The following MOB3B variants were observed in gnomAD, a reference collection of about 807,000 sequenced individuals.
The protein encoded by MOB3B is MOB kinase activator-like 2B.
A neutral mutation model predicts 18.7 loss-of-function variants in MOB3B; 7 were observed. The ratio of observed to expected loss-of-function variants is 0.37; its 90% CI spans 0.21 to 0.70. The LOEUF (loss-of-function observed/expected upper bound fraction) is 0.70. Among genes scored for constraint, MOB3B ranks in the 30% least tolerant of loss-of-function variants. The pLI, the probability that MOB3B is intolerant of heterozygous loss-of-function variation, is 0.52. For missense variants in MOB3B, 253 were observed against 281.3 expected, an observed-to-expected ratio of 0.90 and a Z score of 0.72; for synonymous variants, 111 against 99.9, an observed-to-expected ratio of 1.11 and a Z score of -0.66.
At chr9:27,383,986 A>T (rs192610390) in intron 2 of MOB3B, among the ~76,000 whole-genome samples, 1 of 152,358 alleles carries the variant, frequency 6.6e-6, no homozygotes, top group East Asian at 1.9e-4. Context: ...ATTTCCTGGT[A>T]TAGATAAGCA....
At chr9:27,457,652 C>T (rs551035708) in intron 1 of MOB3B, among the ~76,000 whole-genome samples, 1 of 152,242 alleles carries the variant, frequency 6.6e-6, no homozygotes, top group Non-Finnish European at 1.5e-5. Flanking sequence ...CACCCTCTTC[C>T]TAACAGGTTT....
At chr9:27,459,013 C>T (rs962622994) in intron 1 of MOB3B, among the ~76,000 whole-genome samples, 5 of 108,328 alleles carry the variant, frequency 4.6e-5, no homozygotes, top group Admixed American at 2.5e-4. Context: ...TCAGGTAGGC[C>T]CCCCCCCATG....
intron 1 of MOB3B, among the ~76,000 whole-genome samples, chr9:27,516,776 G>A (rs1187714898): frequency 6.6e-6 from 1 of 152,136 alleles, no homozygotes; most frequent in East Asian, 1.9e-4. Context: ...CAGACCCACT[G>A]ATTCTTATAG....
At chr9:27,481,511 GTTTTT>G (rs536716885) in intron 1 of MOB3B, among the ~76,000 whole-genome samples, 47 of 69,724 alleles carry the variant, frequency 6.7e-4, no homozygotes, top group Non-Finnish European at 1.1e-3. Flanking sequence ...TTTTTTTTTT[GTTTTT>G]TTTGTTTTTT....
chr9:27,356,801 C>T (rs554508616), intron 3 of MOB3B, among the ~76,000 whole-genome samples: 1 of 152,230 alleles, frequency 6.6e-6, no homozygotes, highest in African/African-American at 2.4e-5. Context: ...CATCTTTCCT[C>T]TCTGTCCTTG....
intron 1 of MOB3B, among the ~76,000 whole-genome samples, chr9:27,486,803 T>C (rs748194230): frequency 7.9e-5 from 12 of 152,196 alleles, no homozygotes; most frequent in Non-Finnish European, 1.3e-4. Flanking sequence ...CTTGGCCATG[T>C]ATAAAGTGGA....
At chr9:27,492,867 T>C (rs1245680949) in intron 1 of MOB3B, among the ~76,000 whole-genome samples, 1 of 152,174 alleles carries the variant, frequency 6.6e-6, no homozygotes, top group African/African-American at 2.4e-5. Context: ...TAAATTCTGG[T>C]TCAGCTATTA....
chr9:27,470,216 A>T (rs1819451587), intron 1 of MOB3B, among the ~76,000 whole-genome samples: 1 of 151,936 alleles, frequency 6.6e-6, no homozygotes, highest in African/African-American at 2.4e-5. Flanking sequence ...GGTGATTTTT[A>T]AGCCTTTTAA....
At chr9:27,467,478 T>C (rs2131463733) in intron 1 of MOB3B, among the ~76,000 whole-genome samples, 1 of 152,350 alleles carries the variant, frequency 6.6e-6, no homozygotes, top group South Asian at 2.1e-4. Flanking sequence ...ATGTGCTCTT[T>C]CTTTGACTTC....
chr9:27,377,900 G>T (rs549332479), intron 2 of MOB3B, among the ~76,000 whole-genome samples: 13 of 152,346 alleles, frequency 8.5e-5, no homozygotes, highest in Non-Finnish European at 1.8e-4. Flanking sequence ...ACAGGGGGTT[G>T]AAGGGCAGGG....
Position 27,455,665 on chromosome 9 carries a change from T to C in MOB3B, c.-115A>G. On this transcript the variant is annotated 5_prime_UTR_variant, in exon 2 of 4. Coordinates refer to ENST00000262244, the MANE Select transcript of MOB3B (RefSeq NM_024761.5). ...ACTGCCAGCACTCAGGCCCCAGTCTTACAGCCTGTAGCTTTTAAGCTCTTC... is the reference window on the plus strand; with the variant it reads ...ACTGCCAGCACTCAGGCCCCAGTCTCACAGCCTGTAGCTTTTAAGCTCTTC... 9 of 1,547,740 alleles carry C rather than the reference T, an allele frequency of 5.8e-6. No homozygotes were observed. Among genetic ancestry groups the C allele is most frequent in the Non-Finnish European group, 7.8e-6 (9 of 1,157,852 alleles).
intron 2 of MOB3B, among the ~76,000 whole-genome samples, chr9:27,387,124 T>A (rs1347020523): frequency 3.9e-5 from 6 of 152,164 alleles, no homozygotes. Flanking sequence ...AAAACTGAAG[T>A]TGGATGCCTC....
At chr9:27,338,448 T>G (rs1031951732) in intron 3 of MOB3B, among the ~76,000 whole-genome samples, 6 of 152,150 alleles carry the variant, frequency 3.9e-5, no homozygotes, top group African/African-American at 1.4e-4. Context: ...CAGCTGGCTC[T>G]CCTTCAGACG....
At chr9:27,451,895 C>T (rs544935186) in intron 2 of MOB3B, among the ~76,000 whole-genome samples, 45 of 152,256 alleles carry the variant, frequency 3.0e-4, no homozygotes, top group Middle Eastern at 3.4e-3. Context: ...GAGAAAGTAG[C>T]TCCTAATAAT....
chr9:27,362,700 A>G (rs1229511973), intron 2 of MOB3B, among the ~76,000 whole-genome samples: 1 of 152,220 alleles, frequency 6.6e-6, no homozygotes, highest in East Asian at 1.9e-4. Context: ...TCAGGAGCCT[A>G]GGAAACCCCA....
At chr9:27,524,504 T>C in intron 1 of MOB3B, 1 of 1,614,128 alleles carries the variant, frequency 6.2e-7, no homozygotes, top group East Asian at 2.2e-5. Context: ...ATTCATTTCC[T>C]GTAGAATGTC....
intron 3 of MOB3B, among the ~76,000 whole-genome samples, chr9:27,355,334 G>A (rs1821169938): frequency 1.3e-5 from 2 of 152,140 alleles, no homozygotes; most frequent in South Asian, 4.1e-4. Flanking sequence ...CCCACCGGTG[G>A]CGTGGGAACT....
chr9:27,345,198 T>C (rs1013601504), intron 3 of MOB3B, among the ~76,000 whole-genome samples: 2 of 152,098 alleles, frequency 1.3e-5, no homozygotes, highest in African/African-American at 2.4e-5. Flanking sequence ...TGCTTGAAAG[T>C]TGTGGGCTTT....
In MOB3B at chr9:27,480,382, C is replaced by T. The variant is rs543707115; in HGVS notation, c.-198-24634G>A. On this transcript the variant is annotated intron_variant, in intron 1 of 3. Coordinates refer to ENST00000262244, the MANE Select transcript of MOB3B (RefSeq NM_024761.5). Reference sequence around the variant, plus strand: ...TGACGCGATCTCGGCTCACTGCAAGCTCCGCCTCCTGGGTTCACGCCATTC... The same window carrying T: ...TGACGCGATCTCGGCTCACTGCAAGTTCCGCCTCCTGGGTTCACGCCATTC... Among the ~76,000 whole-genome samples the T allele has an allele frequency of 2.8e-3, 424 of 151,736 alleles. 3 individuals are homozygous for T. The highest frequency in any genetic ancestry group is 9.8e-3 in the African/African-American group (406 of 41,346).
Sources: allele counts gnomAD v4.1 joint callset (sites outside exome capture counted in the v4.1 genomes callset), GRCh38; gene constraint gnomAD v4.1.1; transcripts MANE v1.5; gene names NCBI Gene and HGNC (gene_info 2026-07-23, HGNC 2026-07-21).